The following SPSB3 variants were observed in gnomAD, a reference collection of about 807,000 sequenced individuals.
The protein encoded by SPSB3 is splA/ryanodine receptor domain and SOCS box containing 3.
Under a neutral mutation model 29.5 loss-of-function variants are expected in SPSB3, and 18 were observed. The ratio of observed to expected loss-of-function variants is 0.61; its 90% CI spans 0.42 to 0.91. SPSB3 has a LOEUF of 0.91. SPSB3 is among the 40% of genes least tolerant of loss of function. The pLI is 0.00. For synonymous variants in SPSB3, 299 were observed against 214.1 expected, an observed-to-expected ratio of 1.40 and a Z score of -3.46; for missense variants, 540 against 507.5, an observed-to-expected ratio of 1.06 and a Z score of -0.61.
Position 1,776,859 on chromosome 16 carries a change from A to G in SPSB3, c.*238T>C. 3.6e-6 allele frequency: 2 copies of G among 552,888 alleles called. No homozygotes were observed. The highest frequency in any genetic ancestry group is 3.0e-5 in the East Asian group (1 of 32,964). The allele number at this position is 552,888 out of a possible 1,614,324, so 34.2% of individuals were successfully genotyped here. ...GCTCCAGCCAGGCTCTCGTCCTCGC[A>G]GCCTCCCACAAGACCTGGGGCTCAG... On this transcript the variant is annotated 3_prime_UTR_variant, in exon 7 of 7. Coordinates refer to ENST00000566339, the MANE Select transcript of SPSB3 (RefSeq NM_080861.4).
rs932312589 is a variant in SPSB3, at chr16:1,777,109, G to A, written c.1056C>T (p.Cys352=). ...REPRPCQRKR[C]RRT The stretch of plus-strand genomic sequence containing the variant: ...ACTGGGAAGTCAGTCAGGTCCGGCG[G>A]CAGCGCTTCCTCTGGCAGGGCCGAG... The change falls in exon 7 of 7, where the codon TGC becomes TGT. Residue 352 remains cysteine, a synonymous_variant. Transcript: ENST00000566339. The A allele has an allele frequency of 1.9e-6, 3 of 1,610,976 alleles. No homozygotes were observed. The highest frequency in any genetic ancestry group is 1.1e-5 in the South Asian group (1 of 90,994).
At position 1,778,432 on chromosome 16, in the gene SPSB3, C is replaced by T. The variant is rs1471651920; in HGVS notation, c.304+3G>A. On this transcript the variant is annotated splice_donor_region_variant and intron_variant, in intron 3 of 6. Coordinates refer to ENST00000566339, the MANE Select transcript of SPSB3 (RefSeq NM_080861.4). ...CCCAGCAGGGGCTGGGCCCCACGCT[C>T]ACACTCGTCTTCCTCTCCGCAGCGG... 27 of 1,608,014 alleles carry T rather than the reference C, an allele frequency of 1.7e-5. No individual in the cohort carries two copies. The highest frequency in any genetic ancestry group is 2.0e-5 in the Non-Finnish European group (23 of 1,177,380).
chr16:1,778,647 C>T (rs752892806), intron 2 of SPSB3, 35 bp from the exon 3 acceptor site: 8 of 1,521,918 alleles, frequency 5.3e-6, no homozygotes, highest in East Asian at 2.3e-5. Context: ...CTACCTGTTG[C>T]CCGCTCTCTA....
rs955014028 is a variant in SPSB3 at position 1,777,959 on chromosome 16, G to A, written c.582C>T (p.Gly194=). The stretch of plus-strand genomic sequence containing the variant: ...GGCCTCACGCACCCGTGTAGGAGAG[G>A]CCCCAGCTGTCCTCATCCCTGCCCA... ...SLLGRDEDSW[G]LSYTGLLHHK... The change falls in exon 5 of 7, where the codon GGC becomes GGT. Residue 194 remains glycine, a synonymous_variant. Coordinates refer to ENST00000566339, the MANE Select transcript of SPSB3 (RefSeq NM_080861.4). 2.8e-5 allele frequency: 45 copies of A among 1,612,724 alleles called. No individual in the cohort carries two copies. In the East Asian group the frequency reaches 9.1e-4, roughly 33 times the overall value.
chr16:1,781,029 A>G, intron 2 of SPSB3: 1 of 626,858 alleles, frequency 1.6e-6, no homozygotes, highest in Non-Finnish European at 2.5e-6. Flanking sequence ...CACAGTGCCC[A>G]GCCCCGTAGT....
In SPSB3 at chr16:1,778,180, T is replaced by G. The variant is rs769068508; in HGVS notation, c.446A>C (p.His149Pro). The change falls in exon 4 of 7, where the codon CAC (histidine) becomes CCC (proline). Residue 149 changes from histidine to proline, a missense_variant. Transcript: ENST00000566339. Reference sequence around the variant, plus strand: ...AGAGGTCATCTTGATCTCCCAGAAGTGCTGGCCCTCCCCCAGCTCCTTGGT... The same window carrying G: ...AGAGGTCATCTTGATCTCCCAGAAGGGCTGGCCCTCCCCCAGCTCCTTGGT... ...RGTKELGEGQ[H>P]FWEIKMTSPV... The G allele has an allele frequency of 6.2e-7, 1 of 1,612,982 alleles. No individual in the cohort carries two copies. Among genetic ancestry groups the G allele is most frequent in the Non-Finnish European group, 8.5e-7 (1 of 1,179,932 alleles).
chr16:1,778,014 T>A lies in SPSB3; in HGVS notation c.527A>T (p.Asp176Val). The A allele has an allele frequency of 1.2e-6, 2 of 1,613,162 alleles. No individual in the cohort carries two copies. The highest frequency in any genetic ancestry group is 1.7e-6 in the Non-Finnish European group (2 of 1,179,976). The change falls in exon 5 of 7, where the codon GAC becomes GTC. Residue 176 changes from aspartate (D) to valine (V), a missense_variant. Coordinates refer to ENST00000566339, the MANE Select transcript of SPSB3 (RefSeq NM_080861.4). ...GCTGCAGAACGTGTGGCGGTATTTGTCCAGGTCCACATCCGACGTCCCGAT... is the reference window on the plus strand; with the variant it reads ...GCTGCAGAACGTGTGGCGGTATTTGACCAGGTCCACATCCGACGTCCCGAT... ...VGIGTSDVDLDKYRHTFCSLL... is the reference protein window; with the variant it reads ...VGIGTSDVDLVKYRHTFCSLL...
At chr16:1,778,889 A>G (rs2042753884) in intron 2 of SPSB3, 2 of 361,512 alleles carry the variant, frequency 5.5e-6, no homozygotes, top group African/African-American at 2.1e-5. Flanking sequence ...GACGGTGGAT[A>G]AGCCCCAGGT....
At chr16:1,782,315 C>T (rs1896750846) in intron 1 of SPSB3, 187 bp downstream of exon 1, 1 of 151,828 alleles carries the variant, frequency 6.6e-6, no homozygotes. Context: ...CGGCGGCAGC[C>T]CGGCCTGGCT....
rs1402515814 is a variant in SPSB3, at chr16:1,776,968, G to C, written c.*129C>G. 9.4e-7 allele frequency: 1 copy of C among 1,066,518 alleles called. No individual in the cohort carries two copies. The highest frequency in any genetic ancestry group is 1.3e-6 in the Non-Finnish European group (1 of 748,034). 66.1% of individuals were successfully genotyped at this position (1,066,518 alleles called of 1,614,324 possible). ...GACTGTCCCAGCCTCGGGAGCAAGAGATGGCTCCCTCCGGACGGGCCTCAT... is the reference window on the plus strand; with the variant it reads ...GACTGTCCCAGCCTCGGGAGCAAGACATGGCTCCCTCCGGACGGGCCTCAT... On this transcript the variant is annotated 3_prime_UTR_variant, in exon 7 of 7. Coordinates refer to ENST00000566339, the MANE Select transcript of SPSB3 (RefSeq NM_080861.4).
At chr16:1,778,377 G>A in intron 3 of SPSB3, 56 bp from the exon 4 acceptor site, 1 of 1,607,870 alleles carries the variant, frequency 6.2e-7, no homozygotes, top group Non-Finnish European at 8.5e-7. Flanking sequence ...GCTCTGCCCT[G>A]CCCACCCCCA....
chr16:1,781,736 A>T, intron 1 of SPSB3: 1 of 537,418 alleles, frequency 1.9e-6, no homozygotes, highest in South Asian at 2.2e-5. Context: ...TGCGAATCCC[A>T]GCCCCTCTCT....
Position 1,778,481 on chromosome 16 carries a change from G to A in SPSB3, c.258C>T (p.His86=), listed in dbSNP as rs781365988. ...QSEASFCSSL[H]SAHRGRDCRC... ...GGCAGTCCCTGCCCCGGTGGGCCGA[G>A]TGCAGGCTGCTACAGAAGGAGGCCT... The change falls in exon 3 of 7, where the codon CAC becomes CAT. Residue 86 remains histidine, a synonymous_variant. Coordinates refer to ENST00000566339, the MANE Select transcript of SPSB3 (RefSeq NM_080861.4). 11 of 1,611,734 alleles carry A rather than the reference G, an allele frequency of 6.8e-6. No individual in the cohort carries two copies. The highest frequency in any genetic ancestry group is 1.7e-4 in the Middle Eastern group (1 of 5,934).
In SPSB3 at chr16:1,777,878, G is replaced by A; in HGVS notation, c.596-6C>T. 3 of 1,612,196 alleles carry A rather than the reference G, an allele frequency of 1.9e-6. No individual in the cohort carries two copies. The highest frequency in any genetic ancestry group is 2.5e-6 in the Non-Finnish European group (3 of 1,179,756). ...GCCCTTGTGGTGGAGGAGGCCTGGG[G>A]GCAGCCAGGGTCGCAGTGAGCCCGG... is the stretch of plus-strand genomic sequence containing the variant. On this transcript the variant is annotated splice_polypyrimidine_tract_variant and splice_region_variant and intron_variant, in intron 5 of 6. Transcript: ENST00000566339.
rs1020238054 is a variant in SPSB3, at chr16:1,777,850, G to A, written c.618C>T (p.Asp206=). 6.2e-7 allele frequency: 1 copy of A among 1,612,764 alleles called. No individual in the cohort carries two copies. Among genetic ancestry groups the A allele is most frequent in the Admixed American group, 1.7e-5 (1 of 60,024 alleles). The change falls in exon 6 of 7, where the codon GAC becomes GAT. Residue 206 remains aspartate (D), a synonymous_variant. Transcript: ENST00000566339. ...CGAACCGCGATGAGAAGCTGGTCTTGTCGCCCTTGTGGTGGAGGAGGCCTG... is the reference window on the plus strand; with the variant it reads ...CGAACCGCGATGAGAAGCTGGTCTTATCGCCCTTGTGGTGGAGGAGGCCTG... ...SYTGLLHHKG[D]KTSFSSRFGQ...
At chr16:1,777,721 G>A (rs1422841806) in intron 6 of SPSB3, 26 bp downstream of exon 6, 8 of 1,608,522 alleles carry the variant, frequency 5.0e-6, no homozygotes, top group South Asian at 1.1e-5. Flanking sequence ...CAGCTGAGAG[G>A]AGCTCAAGTC....
At chr16:1,781,630 G>C (rs1896716045) in intron 1 of SPSB3, 135 bp from the exon 2 acceptor site, 6 of 897,846 alleles carry the variant, frequency 6.7e-6, no homozygotes, top group Non-Finnish European at 1.0e-5. Flanking sequence ...GCTCCAGAAC[G>C]CTTCAGGAGC....
chr16:1,780,708 T>C (rs1249634184), intron 2 of SPSB3: 1 of 162,058 alleles, frequency 6.2e-6, no homozygotes, highest in Admixed American at 5.8e-5. Flanking sequence ...CCTCCAGAAA[T>C]GGGCTGGGTA....
rs770238085 is a variant in SPSB3 at position 1,777,731 on chromosome 16, C to T, written c.721+16G>A. On this transcript the variant is annotated intron_variant, in intron 6 of 6. Transcript: ENST00000566339. ...GGTGACAGCTGAGAGGAGCTCAAGTCCTGTGACGGCCTCACCTATACACTT... is the reference window on the plus strand; with the variant it reads ...GGTGACAGCTGAGAGGAGCTCAAGTTCTGTGACGGCCTCACCTATACACTT... 6.2e-6 allele frequency: 10 copies of T among 1,610,568 alleles called. No individual in the cohort carries two copies. Among genetic ancestry groups the T allele is most frequent in the Non-Finnish European group, 7.6e-6 (9 of 1,179,032 alleles).
Sources: allele counts gnomAD v4.1 joint callset, GRCh38; gene constraint gnomAD v4.1.1; transcripts MANE v1.5; gene names NCBI Gene and HGNC (gene_info 2026-07-23, HGNC 2026-07-21).